Variants in ARVCF observed in about 807,000 individuals in gnomAD.
ARVCF encodes the protein splicing regulator ARVCF.
In ARVCF, 66 loss-of-function variants were observed where a neutral mutation model predicts 90.9. The observed-to-expected ratio is 0.73, with a 90% CI of 0.60 to 0.89. The LOEUF (loss-of-function observed/expected upper bound fraction) is 0.89, where lower values mean the gene tolerates loss of function less well. Among genes scored for constraint, ARVCF ranks in the 40% least tolerant of loss-of-function variants. The pLI, the probability that ARVCF is intolerant of heterozygous loss-of-function variation, is 0.00. For missense variants in ARVCF, 1,469 were observed against 1,382.3 expected (o/e 1.06, Z -1.00); for synonymous variants, 653 against 603.4 (o/e 1.08, Z -1.21).
Position 19,969,920 on chromosome 22 carries a change from A to AT in ARVCF, c.*835dup. 3 of 985,436 alleles carry AT rather than the reference A, an allele frequency of 3.0e-6. No homozygotes were observed. The highest frequency in any genetic ancestry group is 3.6e-6 in the Non-Finnish European group (3 of 829,912). The allele number at this position is 985,436 out of a possible 1,614,324, so 61.0% of individuals were successfully genotyped here. On this transcript the variant is annotated 3_prime_UTR_variant, in exon 20 of 20. Coordinates refer to ENST00000263207, the MANE Select transcript of ARVCF (RefSeq NM_001670.3). ...GTTCCTTTGCTGCTTTAATTTTTAA[A>AT]TTTTCTTACAAAAATTTAGGTGTTT...
intron 2 of ARVCF, among the ~76,000 whole-genome samples, chr22:20,000,241 A>C (rs2531694): frequency 0.91 from 138,272 of 152,242 alleles, 63,343 homozygotes; most frequent in Middle Eastern, 0.96. Context: ...CTCTGGCCAG[A>C]GCTGGCTGCT....
At chr22:19,974,516 G>T (rs976713338) in intron 11 of ARVCF, among the ~76,000 whole-genome samples, 1 of 152,108 alleles carries the variant, frequency 6.6e-6, no homozygotes, top group African/African-American at 2.4e-5. Flanking sequence ...TGTCAACCAG[G>T]AACGCTCTCC....
At chr22:19,984,170 T>C (rs1440233925) in intron 3 of ARVCF, among the ~76,000 whole-genome samples, 2 of 152,176 alleles carry the variant, frequency 1.3e-5, no homozygotes, top group East Asian at 3.8e-4. Flanking sequence ...CTCATATATG[T>C]ATATATTTAC....
intron 1 of ARVCF, among the ~76,000 whole-genome samples, chr22:20,014,752 T>C (rs1026583591): frequency 3.9e-5 from 6 of 152,144 alleles, no homozygotes; most frequent in Non-Finnish European, 8.8e-5. Flanking sequence ...GTGCCTGGCA[T>C]CCGTGTGCAG....
At chr22:19,993,866 G>A (rs1367079224) in intron 2 of ARVCF, among the ~76,000 whole-genome samples, 3 of 152,110 alleles carry the variant, frequency 2.0e-5, no homozygotes, top group East Asian at 1.9e-4. Flanking sequence ...CAAAAGTGAC[G>A]ACCCAGCCCC....
intron 15 of ARVCF, 44 bp downstream of exon 15, chr22:19,972,881 G>A (rs200992502): frequency 6.2e-7 from 1 of 1,613,834 alleles, no homozygotes; most frequent in African/African-American, 1.3e-5. Context: ...GTGGGAATAA[G>A]GCAAAGTGAG....
At chr22:19,976,472 A>G (rs377497442) in intron 10 of ARVCF, among the ~76,000 whole-genome samples, 3 of 152,050 alleles carry the variant, frequency 2.0e-5, no homozygotes, top group Admixed American at 6.5e-5. Flanking sequence ...GCCCCTAGAG[A>G]TAAGTACCCC....
At chr22:19,993,556 T>C (rs918980264) in intron 2 of ARVCF, among the ~76,000 whole-genome samples, 10 of 152,208 alleles carry the variant, frequency 6.6e-5, no homozygotes, top group African/African-American at 2.4e-4. Context: ...AATGCCACCT[T>C]GGCCTCCCCT....
At chr22:19,993,432 G>A (rs774941324) in intron 2 of ARVCF, among the ~76,000 whole-genome samples, 1 of 152,186 alleles carries the variant, frequency 6.6e-6, no homozygotes, top group Non-Finnish European at 1.5e-5. Context: ...AGATCGATGG[G>A]GCCTGAGTGG....
chr22:19,968,486 C>T, downstream of ARVCF: 1 of 1,573,960 alleles, frequency 6.4e-7, no homozygotes, highest in South Asian at 1.1e-5. Flanking sequence ...GGGGCAGGTT[C>T]TCTGGGCACC....
intron 3 of ARVCF, among the ~76,000 whole-genome samples, chr22:19,987,767 G>A (rs184668479): frequency 4.0e-4 from 61 of 152,198 alleles, no homozygotes; most frequent in Admixed American, 3.9e-3. Context: ...TCCCCACAGA[G>A]TTCGATGGGG....
At position 19,979,091 on chromosome 22, in the gene ARVCF, C is replaced by G. The variant is rs201916620; in HGVS notation, c.1397-11G>C. ...GGTTCCACAGGGTGCCTGTGGGGTG[C>G]GATTGGCCAATCTGTGCTGACCATA... On this transcript the variant is annotated splice_polypyrimidine_tract_variant and intron_variant, in intron 6 of 19. Coordinates refer to ENST00000263207, the MANE Select transcript of ARVCF (RefSeq NM_001670.3). The G allele has an allele frequency of 7.5e-6, 12 of 1,608,302 alleles. No individual in the cohort carries two copies. The African/African-American group carries it at 1.6e-4, about 21-fold the overall frequency.
rs35219372 is a variant in ARVCF, at chr22:19,971,288, C to G, written c.2829G>C (p.Ala943=). The change falls in exon 19 of 20, where the codon GCG becomes GCC. Residue 943 remains alanine, a synonymous_variant. Coordinates refer to ENST00000263207, the MANE Select transcript of ARVCF (RefSeq NM_001670.3). ...CCCCTACGGCGTCCACCAGCCTGAC[C>G]GCGGGCCTGCTGGGCCCGGGGGGAG... ...KAPPPGPSRP[A]VRLVDAVGDA... The G allele has an allele frequency of 5.8e-6, 9 of 1,556,898 alleles. No homozygotes were observed. The highest frequency in any genetic ancestry group is 1.7e-4 in the Middle Eastern group (1 of 6,022).
At chr22:20,000,075 G>A (rs2146437741) in intron 2 of ARVCF, among the ~76,000 whole-genome samples, 1 of 152,330 alleles carries the variant, frequency 6.6e-6, no homozygotes, top group South Asian at 2.1e-4. Context: ...AAACCCTTGG[G>A]AAAGGTGCTC....
intron 3 of ARVCF, chr22:19,987,025 T>C (rs894735093): frequency 7.7e-6 from 5 of 650,256 alleles, no homozygotes; most frequent in African/African-American, 1.9e-5. Flanking sequence ...CCCCGCCCTC[T>C]GCCTCCGACC....
rs1055539168 is a variant in ARVCF at position 20,016,654 on chromosome 22, T to A, written c.-138A>T. The A allele has an allele frequency of 2.0e-5, 3 of 149,980 alleles. No homozygotes were observed. The highest frequency in any genetic ancestry group is 3.0e-5 in the Non-Finnish European group (2 of 67,352). The allele number at this position is 149,980 out of a possible 1,614,324, so 9.3% of individuals were successfully genotyped here. Reference sequence around the variant, plus strand: ...CCCCAGAAGGGCTTCCCCGGGTCCGTTGGCGCGCGGGGAGCGGCGTTCCCA... The same window carrying A: ...CCCCAGAAGGGCTTCCCCGGGTCCGATGGCGCGCGGGGAGCGGCGTTCCCA... On this transcript the variant is annotated 5_prime_UTR_variant, in exon 1 of 20. Coordinates refer to ENST00000263207, the MANE Select transcript of ARVCF (RefSeq NM_001670.3).
intron 13 of ARVCF, 145 bp from the exon 14 acceptor site, chr22:19,973,462 G>A (rs1445495896): frequency 3.8e-6 from 5 of 1,330,574 alleles, no homozygotes; most frequent in South Asian, 3.0e-5. Context: ...CCTGTGAGCA[G>A]GGCGCTGAGC....
At chr22:20,007,120 C>T (rs563894061) in intron 2 of ARVCF, among the ~76,000 whole-genome samples, 18 of 146,924 alleles carry the variant, frequency 1.2e-4, no homozygotes, top group African/African-American at 1.8e-4. Flanking sequence ...CAGGCATGGC[C>T]GGGAGCGGTG....
In ARVCF at chr22:19,981,248, T is replaced by C. The variant is rs1943476188; in HGVS notation, c.859A>G (p.Arg287Gly). ...CCCCGCCCACACTCAGGCCTCCTCC[T>C]TGTGGCCGTGCCATAGTCAGGCTCC... Reference protein sequence around the residue: ...ELEPDYGTATRRRPECGRGLH... With the variant: ...ELEPDYGTATGRRPECGRGLH... The change falls in exon 5 of 20, where the codon AGG (arginine) becomes GGG (glycine). Residue 287 changes from arginine to glycine, a missense_variant. Arg to Gly is a moderately radical substitution (Grantham distance 125, BLOSUM62 -2). Coordinates refer to ENST00000263207, the MANE Select transcript of ARVCF (RefSeq NM_001670.3). 3.2e-6 allele frequency: 5 copies of C among 1,558,948 alleles called. No individual in the cohort carries two copies. Among genetic ancestry groups the C allele is most frequent in the Non-Finnish European group, 4.3e-6 (5 of 1,152,344 alleles).
Sources: gnomAD v4.1 joint callset for allele counts (sites outside exome capture counted in the v4.1 genomes callset) on GRCh38, gnomAD v4.1.1 for gene constraint, MANE v1.5 for transcripts, NCBI Gene and HGNC (gene_info 2026-07-23, HGNC 2026-07-21) for gene names.